The following PTPRQ variants were observed in gnomAD, a reference collection of about 807,000 sequenced individuals.
The protein encoded by PTPRQ is protein tyrosine phosphatase receptor type Q, also known as phosphatidylinositol phosphatase PTPRQ.
PTPRQ carries 199 observed loss-of-function variants against 246.0 expected under a neutral mutation model. The ratio of observed to expected loss-of-function variants is 0.81; its 90% CI spans 0.72 to 0.91. The LOEUF is 0.91. Among genes scored for constraint, PTPRQ ranks in the 40% least tolerant of loss-of-function variants. The probability of loss-of-function intolerance (pLI) is 0.00; values close to 1 mark genes in which losing one functional copy is unlikely to be tolerated. For synonymous variants in PTPRQ, 869 were observed against 853.2 expected (o/e 1.02, Z -0.32); for missense variants, 2,624 against 2,528.4 (o/e 1.04, Z -0.81).
intron 19 of PTPRQ, 78 bp from the exon 20 acceptor site, chr12:80,539,698 C>A: frequency 1.8e-6 from 2 of 1,135,242 alleles, no homozygotes; most frequent in South Asian, 2.1e-5. Context: ...AAAATCGATC[C>A]ATTGATAACA....
At chr12:80,673,074 T>A in intron 42 of PTPRQ, 95 bp from the exon 43 acceptor site, 2 of 1,457,478 alleles carry the variant, frequency 1.4e-6, no homozygotes, top group Non-Finnish European at 1.8e-6. Flanking sequence ...AAGAAACTAT[T>A]AGAATTTATT....
At chr12:80,535,990 C>CCAGCTACTGGGGAGGCTGAGG (rs1222556309) in intron 19 of PTPRQ, among the ~76,000 whole-genome samples, 1 of 152,130 alleles carries the variant, frequency 6.6e-6, no homozygotes, top group African/African-American at 2.4e-5. Flanking sequence ...GCCTGTAGTC[C>CCAGCTACTGGGGAGGCTGAGG]CAGCTACTGG....
chr12:80,654,753 G>A (rs1229340809), intron 38 of PTPRQ, among the ~76,000 whole-genome samples: 11 of 151,348 alleles, frequency 7.3e-5, no homozygotes, highest in South Asian at 2.1e-4. Flanking sequence ...CCAGCTACTC[G>A]AGAGGCTGAG....
chr12:80,529,335 T>C (rs550677402), intron 17 of PTPRQ, among the ~76,000 whole-genome samples: 1 of 152,162 alleles, frequency 6.6e-6, no homozygotes, highest in Admixed American at 6.6e-5. Context: ...TAATAACTGA[T>C]TAAAGTTTTG....
At chr12:80,642,367 C>T (rs1323539722) in intron 35 of PTPRQ, among the ~76,000 whole-genome samples, 1 of 152,194 alleles carries the variant, frequency 6.6e-6, no homozygotes, top group Non-Finnish European at 1.5e-5. Flanking sequence ...TCTTTCTCCT[C>T]TCTATCTACA....
intron 14 of PTPRQ, 104 bp from the exon 15 acceptor site, chr12:80,505,920 G>GT (rs1894942248): frequency 8.1e-7 from 1 of 1,227,940 alleles, no homozygotes; most frequent in East Asian, 2.8e-5. Context: ...ACATTCTAGT[G>GT]AAGGTTCAAT....
chr12:80,592,988 G>T (rs1294749187), intron 26 of PTPRQ, among the ~76,000 whole-genome samples: 1 of 152,076 alleles, frequency 6.6e-6, no homozygotes, highest in Non-Finnish European at 1.5e-5. Flanking sequence ...TCTAGCCTGG[G>T]TTACAAAGCC....
At chr12:80,568,304 A>G (rs190958308) in intron 25 of PTPRQ, among the ~76,000 whole-genome samples, 2 of 152,272 alleles carry the variant, frequency 1.3e-5, no homozygotes, top group East Asian at 3.9e-4. Flanking sequence ...TGTTCAGCTT[A>G]TGTTACAGAG....
At chr12:80,519,587 A>T (rs975208282) in intron 17 of PTPRQ, among the ~76,000 whole-genome samples, 1 of 152,164 alleles carries the variant, frequency 6.6e-6, no homozygotes, top group African/African-American at 2.4e-5. Context: ...TTAGCTAAAC[A>T]TACATATTTA....
chr12:80,667,049 A>G (rs925389495), intron 39 of PTPRQ, among the ~76,000 whole-genome samples: 2 of 151,972 alleles, frequency 1.3e-5, no homozygotes, highest in Non-Finnish European at 2.9e-5. Flanking sequence ...ATTCAGAGTA[A>G]AAAGCAAAGT....
chr12:80,613,486 T>G, intron 28 of PTPRQ, 106 bp from the exon 29 acceptor site: 1 of 1,190,134 alleles, frequency 8.4e-7, no homozygotes, highest in Non-Finnish European at 1.1e-6. Flanking sequence ...ATGGTTTAAT[T>G]TGTGGAATAC....
intron 25 of PTPRQ, among the ~76,000 whole-genome samples, chr12:80,566,450 C>T (rs919737431): frequency 6.6e-6 from 1 of 152,028 alleles, no homozygotes. Flanking sequence ...TGCACTCCAG[C>T]CTGGGGGACA....
At chr12:80,588,955 A>G (rs1897706866) in intron 26 of PTPRQ, among the ~76,000 whole-genome samples, 1 of 152,240 alleles carries the variant, frequency 6.6e-6, no homozygotes, top group Admixed American at 6.5e-5. Context: ...TGAGGCAAAG[A>G]AATATCAAGC....
At chr12:80,450,060 T>C (rs1592514294) in intron 3 of PTPRQ, among the ~76,000 whole-genome samples, 2 of 152,166 alleles carry the variant, frequency 1.3e-5, no homozygotes. Flanking sequence ...CATTGAGCAG[T>C]GGTTTGTAGT....
At chr12:80,580,542 A>G (rs1282511316) in intron 25 of PTPRQ, among the ~76,000 whole-genome samples, 1 of 152,200 alleles carries the variant, frequency 6.6e-6, no homozygotes, top group Non-Finnish European at 1.5e-5. Context: ...AGTCTAGTTC[A>G]GCACACAGTT....
In PTPRQ at chr12:80,459,761, G is replaced by A. The variant is rs192915183; in HGVS notation, c.660+278G>A. On this transcript the variant is annotated intron_variant, in intron 5 of 44. Coordinates refer to ENST00000644991, the MANE Select transcript of PTPRQ (RefSeq NM_001145026.2). Reference sequence around the variant, plus strand: ...CTGAAAAGACTTCATCAAAGGAGTAGCATTTGTGATACACCATGGAGCAAG... The same window carrying A: ...CTGAAAAGACTTCATCAAAGGAGTAACATTTGTGATACACCATGGAGCAAG... Among the ~76,000 whole-genome samples, 189 of 152,276 alleles carry A rather than the reference G, an allele frequency of 1.2e-3. 1 individual carries two copies. The highest frequency in any genetic ancestry group is 4.2e-3 in the African/African-American group (176 of 41,578).
chr12:80,622,271 T>C (rs1282426569), intron 33 of PTPRQ, 137 bp downstream of exon 33: 25 of 786,194 alleles, frequency 3.2e-5, no homozygotes, highest in Non-Finnish European at 3.5e-5. Flanking sequence ...TCTCTAGTAA[T>C]ATTTGTGGGT....
intron 8 of PTPRQ, among the ~76,000 whole-genome samples, chr12:80,473,147 C>A (rs7135559): frequency 0.49 from 74,464 of 151,874 alleles, 21,993 homozygotes; most frequent in South Asian, 0.65. Context: ...TTGTACTTCT[C>A]CCCTTTAAAG....
chr12:80,658,017 G>A lies in PTPRQ; in HGVS notation c.6148G>A (p.Ala2050Thr), dbSNP rs1326600475. ...TAACAGAGTAAAGCTGATAGCTGAC[G>A]CTAGTGTTCCAGGTTCGGATTATAT... is the stretch of plus-strand genomic sequence containing the variant. Reference protein sequence around the residue: ...NNNRVKLIADASVPGSDYINA... With the variant: ...NNNRVKLIADTSVPGSDYINA... Residue 2050 changes from alanine (A) to threonine (T), a missense_variant, in exon 39 of 45, where the codon GCT becomes ACT. Transcript: ENST00000644991. 32 of 1,435,270 alleles carry A rather than the reference G, an allele frequency of 2.2e-5. No individual in the cohort carries two copies. Among genetic ancestry groups the A allele is most frequent in the East Asian group, 1.4e-4 (5 of 35,882 alleles). The allele number at this position is 1,435,270 out of a possible 1,614,324, so 88.9% of individuals were successfully genotyped here.
Sources: allele counts gnomAD v4.1 joint callset (sites outside exome capture counted in the v4.1 genomes callset), GRCh38; gene constraint gnomAD v4.1.1; transcripts MANE v1.5; gene names NCBI Gene and HGNC (gene_info 2026-07-23, HGNC 2026-07-21).